Variants in DSCAML1 observed in about 807,000 individuals in gnomAD.
DSCAML1 encodes the protein cell adhesion molecule DSCAML1.
A neutral mutation model predicts 200.5 loss-of-function variants in DSCAML1; 38 were observed. The ratio of observed to expected loss-of-function variants is 0.19; its 90% CI spans 0.15 to 0.25. The LOEUF (loss-of-function observed/expected upper bound fraction) is 0.25. Among genes scored for constraint, DSCAML1 ranks in the 10% least tolerant of loss-of-function variants. The probability of loss-of-function intolerance (pLI) is 1.00; values close to 1 mark genes in which losing one functional copy is unlikely to be tolerated. For missense variants in DSCAML1, 2,223 were observed against 2,858.8 expected (o/e 0.78, Z 5.07); for synonymous variants, 1,215 against 1,165.0 (o/e 1.04, Z -0.87).
intron 3 of DSCAML1, among the ~76,000 whole-genome samples, chr11:117,602,178 A>G (rs562939556): frequency 6.6e-6 from 1 of 152,342 alleles, no homozygotes; most frequent in Admixed American, 6.5e-5. Context: ...TTTATCAAGT[A>G]GGTTTGAGCA....
At chr11:117,552,434 TC>T (rs1473003344) in intron 3 of DSCAML1, among the ~76,000 whole-genome samples, 1 of 151,288 alleles carries the variant, frequency 6.6e-6, no homozygotes, top group Non-Finnish European at 1.5e-5. Flanking sequence ...TCCACCCCCC[TC>T]TCCCCTGCCC....
chr11:117,477,349 A>AGTGTGTGTGTGTGTGT (rs5795087), intron 14 of DSCAML1, among the ~76,000 whole-genome samples: 18 of 140,208 alleles, frequency 1.3e-4, no homozygotes, highest in East Asian at 6.6e-4. Context: ...TGGTTCTGAA[A>AGTGTGTGTGTGTGTGT]GTGTGTGTGT....
At chr11:117,432,293 T>C (rs1054196089) in intron 30 of DSCAML1, 59 bp downstream of exon 30, 1 of 1,532,948 alleles carries the variant, frequency 6.5e-7, no homozygotes, top group Non-Finnish European at 8.8e-7. Context: ...CTCTGTGTCA[T>C]GCTATGCCCA....
At chr11:117,436,893 G>T (rs571179817) in intron 26 of DSCAML1, among the ~76,000 whole-genome samples, 1 of 152,248 alleles carries the variant, frequency 6.6e-6, no homozygotes, top group African/African-American at 2.4e-5. Flanking sequence ...ACTGACCTAT[G>T]TGTCTGTCCA....
chr11:117,557,804 T>TA (rs11438840), intron 3 of DSCAML1, among the ~76,000 whole-genome samples: 8,372 of 152,018 alleles, frequency 0.055, 419 homozygotes, highest in African/African-American at 0.12. Flanking sequence ...GGCCTAGATC[T>TA]ATCTAGGGTG....
chr11:117,798,903 C>G (rs1268567085), upstream of DSCAML1, among the ~76,000 whole-genome samples: 1 of 152,140 alleles, frequency 6.6e-6, no homozygotes, highest in Admixed American at 6.5e-5. Flanking sequence ...TGGCTCAGCT[C>G]TTCATGCAAA....
intron 24 of DSCAML1, among the ~76,000 whole-genome samples, chr11:117,438,319 G>A (rs1251167617): frequency 1.2e-5 from 1 of 81,514 alleles, no homozygotes; most frequent in African/African-American, 6.6e-5. Flanking sequence ...TCCAGCCCCC[G>A]GCGGGTCTGA....
chr11:117,530,034 G>C (rs959797403), intron 4 of DSCAML1, among the ~76,000 whole-genome samples: 1 of 152,036 alleles, frequency 6.6e-6, no homozygotes, highest in Non-Finnish European at 1.5e-5. Context: ...ATGTCCCTCC[G>C]TTCTGCCTTT....
At chr11:117,558,503 C>A (rs111771764) in intron 3 of DSCAML1, among the ~76,000 whole-genome samples, 5 of 152,116 alleles carry the variant, frequency 3.3e-5, no homozygotes, top group African/African-American at 1.2e-4. Context: ...CGGTGGCTCA[C>A]GCCTGTAATT....
At chr11:117,459,918 G>T (rs148930075) in intron 18 of DSCAML1, among the ~76,000 whole-genome samples, 1 of 152,254 alleles carries the variant, frequency 6.6e-6, no homozygotes, top group South Asian at 2.1e-4. Flanking sequence ...TGTGCCCAGC[G>T]TGAGAAGACT....
intron 18 of DSCAML1, among the ~76,000 whole-genome samples, chr11:117,461,244 C>T (rs1221675448): frequency 2.0e-5 from 3 of 151,508 alleles, no homozygotes; most frequent in Non-Finnish European, 4.4e-5. Context: ...CGGAGGTGTT[C>T]AAGTGAATCC....
intron 3 of DSCAML1, among the ~76,000 whole-genome samples, chr11:117,562,372 T>C (rs759545982): frequency 2.6e-5 from 4 of 152,192 alleles, no homozygotes; most frequent in Non-Finnish European, 5.9e-5. Flanking sequence ...CGCCAGGGTG[T>C]GTGTGCCAGC....
chr11:117,788,569 C>T (rs920474390), intron 1 of DSCAML1, among the ~76,000 whole-genome samples: 9 of 152,170 alleles, frequency 5.9e-5, no homozygotes, highest in African/African-American at 2.2e-4. Flanking sequence ...TCAAGTGATC[C>T]GCCTGCCTCG....
At chr11:117,817,019 GCT>G (rs1330053510) in intron 1 of DSCAML1, among the ~76,000 whole-genome samples, 1 of 152,222 alleles carries the variant, frequency 6.6e-6, no homozygotes, top group African/African-American at 2.4e-5. Context: ...TGCCCACAGG[GCT>G]CTTTCTCTGG....
intron 3 of DSCAML1, among the ~76,000 whole-genome samples, chr11:117,559,013 C>T (rs685425): frequency 0.2 from 30,547 of 151,878 alleles, 3,200 homozygotes; most frequent in South Asian, 0.34. Context: ...GGCTTTCTCC[C>T]TTTTCTCCTG....
intron 16 of DSCAML1, among the ~76,000 whole-genome samples, chr11:117,467,201 C>CT (rs2048599920): frequency 7.5e-6 from 1 of 134,058 alleles, no homozygotes; most frequent in Admixed American, 7.3e-5. Flanking sequence ...ACACCTCCCC[C>CT]CTCCCCCCGC....
intron 3 of DSCAML1, among the ~76,000 whole-genome samples, chr11:117,774,058 C>T (rs2055086645): frequency 6.6e-6 from 1 of 152,216 alleles, no homozygotes; most frequent in Non-Finnish European, 1.5e-5. Context: ...CTGCCTCCAG[C>T]TCCTAAGCAC....
intron 3 of DSCAML1, among the ~76,000 whole-genome samples, chr11:117,653,296 C>CA (rs1274088567): frequency 1.3e-5 from 2 of 152,142 alleles, no homozygotes; most frequent in Non-Finnish European, 2.9e-5. Flanking sequence ...GAAGTGGATC[C>CA]AGTATTCTGG....
At chr11:117,729,259 C>G (rs1345811283) in intron 3 of DSCAML1, among the ~76,000 whole-genome samples, 1 of 152,124 alleles carries the variant, frequency 6.6e-6, no homozygotes, top group Non-Finnish European at 1.5e-5. Flanking sequence ...ATACCATGTA[C>G]AAAAATTAAC....
Sources: allele counts gnomAD v4.1 joint callset (sites outside exome capture counted in the v4.1 genomes callset), GRCh38; gene constraint gnomAD v4.1.1; transcripts MANE v1.5; gene names NCBI Gene and HGNC (gene_info 2026-07-23, HGNC 2026-07-21).